Variants in COL5A1 observed in about 807,000 individuals in gnomAD.
COL5A1 encodes collagen alpha-1(V) chain.
COL5A1 carries 16 observed loss-of-function variants against 263.7 expected under a neutral mutation model. The ratio of observed to expected loss-of-function variants is 0.06; its 90% confidence interval spans 0.04 to 0.09. The LOEUF (loss-of-function observed/expected upper bound fraction) is 0.09, where lower values mean the gene tolerates loss of function less well. COL5A1 is among the 10% of genes least tolerant of loss of function. The probability of loss-of-function intolerance (pLI) is 1.00; values close to 1 mark genes in which losing one functional copy is unlikely to be tolerated. For missense variants in COL5A1, 2,036 were observed against 2,540.5 expected (o/e 0.80, Z 4.27); for synonymous variants, 1,012 against 1,004.5 (o/e 1.01, Z -0.14).
At chr9:134,759,289 CG>C (rs1452070075) in intron 18 of COL5A1, among the ~76,000 whole-genome samples, 9 of 126,340 alleles carry the variant, frequency 7.1e-5, no homozygotes, top group African/African-American at 3.4e-4. Flanking sequence ...TGCACACACA[CG>C]CATACACACC....
intron 64 of COL5A1, among the ~76,000 whole-genome samples, chr9:134,834,500 T>C (rs969996988): frequency 6.6e-6 from 1 of 152,088 alleles, no homozygotes; most frequent in Admixed American, 6.5e-5. Context: ...GCAGCAAAGC[T>C]TTATCAAGCG....
At chr9:134,711,315 G>A (rs558144539) in intron 4 of COL5A1, among the ~76,000 whole-genome samples, 167 of 152,214 alleles carry the variant, frequency 1.1e-3, no homozygotes, top group South Asian at 3.5e-3. Flanking sequence ...CAGGGCCTGG[G>A]TGCTGTCGTA....
Position 134,794,404 on chromosome 9 carries a change from C to T in COL5A1, c.2701-678C>T, listed in dbSNP as rs563296727. Among the ~76,000 whole-genome samples, 1 of 152,170 alleles carries T rather than the reference C, an allele frequency of 6.6e-6. No individual in the cohort carries two copies. Among genetic ancestry groups the T allele is most frequent in the East Asian group, 1.9e-4 (1 of 5,186 alleles). On this transcript the variant is annotated intron_variant, in intron 32 of 65. Transcript: ENST00000371817. The surrounding 1 kb of genome is among the most constrained non-coding windows in gnomAD (Gnocchi z 4.3). The stretch of plus-strand genomic sequence containing the variant: ...GGACACGGTGGGGGATGTAGGGGCC[C>T]CTGCGTGTTCAGCCCGTGGCTTCCG...
chr9:134,691,197 C>T, intron 2 of COL5A1, 118 bp downstream of exon 2: 1 of 1,325,846 alleles, frequency 7.5e-7, no homozygotes, highest in South Asian at 1.2e-5. Context: ...CCAGGAAGCC[C>T]CTCTCACGAG....
intron 11 of COL5A1, among the ~76,000 whole-genome samples, chr9:134,743,906 G>A (rs1040034391): frequency 5.9e-5 from 9 of 152,166 alleles, no homozygotes; most frequent in African/African-American, 1.9e-4. Flanking sequence ...AGAAAGTGTG[G>A]CTCACCTCTA....
chr9:134,660,930 C>A (rs1157328804), intron 1 of COL5A1, among the ~76,000 whole-genome samples: 1 of 152,132 alleles, frequency 6.6e-6, no homozygotes, highest in Non-Finnish European at 1.5e-5. Context: ...AGGGTGCTGA[C>A]CAGCCCAGAG....
At chr9:134,812,338 G>A (rs1588578450) in intron 46 of COL5A1, 111 bp from the exon 47 acceptor site, 11 of 1,143,022 alleles carry the variant, frequency 9.6e-6, no homozygotes, top group South Asian at 3.8e-5. Context: ...GCACCTTCCC[G>A]GGGCTTCGGG....
intron 1 of COL5A1, among the ~76,000 whole-genome samples, chr9:134,679,213 A>C (rs1307282047): frequency 6.6e-6 from 1 of 151,862 alleles, no homozygotes; most frequent in Non-Finnish European, 1.5e-5. Flanking sequence ...ACCACCCCGC[A>C]GTCCCTCCCC....
intron 60 of COL5A1, 94 bp from the exon 61 acceptor site, chr9:134,823,322 C>T (rs1839102323): frequency 5.7e-6 from 8 of 1,395,064 alleles, no homozygotes; most frequent in Non-Finnish European, 7.1e-6. Flanking sequence ...ACCTCCCCCA[C>T]ATAGGTCTCC....
At chr9:134,708,458 A>C in intron 4 of COL5A1, 2 of 435,474 alleles carry the variant, frequency 4.6e-6, no homozygotes, top group Non-Finnish European at 9.2e-6. Flanking sequence ...GACACAGGAC[A>C]CTGTCACCCT....
Position 134,811,355 on chromosome 9 carries a change from C to G in COL5A1, c.3545C>G (p.Thr1182Arg). 2 of 1,614,084 alleles carry G rather than the reference C, an allele frequency of 1.2e-6. No homozygotes were observed. Among genetic ancestry groups the G allele is most frequent in the Non-Finnish European group, 1.7e-6 (2 of 1,179,982 alleles). ...TCCCCGCAGGGTCCTCCTGGGCCTA[C>G]AGGTCCTCAAGGCCCCATCGGACAG... Reference protein sequence around the residue: ...DKGEQGPPGPTGPQGPIGQPG... With the variant: ...DKGEQGPPGPRGPQGPIGQPG... Residue 1182 changes from threonine to arginine, a missense_variant, in exon 45 of 66, where the codon ACA becomes AGA. Transcript: ENST00000371817.
At chr9:134,654,451 GGT>G (rs1831843453) in intron 1 of COL5A1, among the ~76,000 whole-genome samples, 1 of 127,562 alleles carries the variant, frequency 7.8e-6, no homozygotes, top group Non-Finnish European at 1.7e-5. Flanking sequence ...GTGTAGGGCT[GGT>G]GTGTGTAGGG....
At chr9:134,834,945 GA>G (rs1839793850) in intron 64 of COL5A1, 25 bp from the exon 65 acceptor site, 1 of 1,545,616 alleles carries the variant, frequency 6.5e-7, no homozygotes. Context: ...CCACCCTGCT[GA>G]GCCCCAACAC....
intron 1 of COL5A1, among the ~76,000 whole-genome samples, chr9:134,671,592 C>A (rs1460425317): frequency 6.6e-6 from 1 of 152,214 alleles, no homozygotes; most frequent in African/African-American, 2.4e-5. Context: ...CAGAGAGGAA[C>A]CCCACTGGGC....
At chr9:134,715,127 C>T (rs1167172644) in intron 4 of COL5A1, among the ~76,000 whole-genome samples, 1 of 152,022 alleles carries the variant, frequency 6.6e-6, no homozygotes, top group Non-Finnish European at 1.5e-5. Flanking sequence ...ATTATCTCTA[C>T]CATCTCAGAG....
In COL5A1 at chr9:134,795,271, G is replaced by A; in HGVS notation, c.2755G>A (p.Gly919Ser). The A allele has an allele frequency of 1.2e-6, 2 of 1,613,900 alleles. No homozygotes were observed. The highest frequency in any genetic ancestry group is 8.5e-7 in the Non-Finnish European group (1 of 1,179,980). ...RGQRGPTGPRGERGPRGITGK... is the reference protein window; with the variant it reads ...RGQRGPTGPRSERGPRGITGK... The stretch of plus-strand genomic sequence containing the variant: ...TCTCCCATCTGTCCAGGGTCCGAGG[G>A]GTGAAAGAGGCCCCCGGGGCATCAC... Residue 919 changes from glycine to serine, a missense_variant, in exon 34 of 66, where the codon GGT (glycine) becomes AGT (serine). By Grantham distance (56) the Gly-to-Ser change is moderately conservative (BLOSUM62 0). Around this residue, in one of 3 missense-constraint regions of COL5A1, gnomAD observed 1,078 missense variants for 1,521.4 expected, o/e 0.71. Transcript: ENST00000371817.
At chr9:134,832,418 AAG>A (rs1047479841) in intron 64 of COL5A1, among the ~76,000 whole-genome samples, 1 of 152,194 alleles carries the variant, frequency 6.6e-6, no homozygotes, top group African/African-American at 2.4e-5. Flanking sequence ...AAAAAAAAGA[AAG>A]AAAAAACCAG....
chr9:134,788,121 G>GAA, intron 31 of COL5A1, among the ~76,000 whole-genome samples: 1 of 151,692 alleles, frequency 6.6e-6, no homozygotes. Context: ...GGGCAGGTGG[G>GAA]GTAGATACAT....
At chr9:134,662,805 C>A (rs1832249777) in intron 1 of COL5A1, among the ~76,000 whole-genome samples, 1 of 152,220 alleles carries the variant, frequency 6.6e-6, no homozygotes, top group Admixed American at 6.5e-5. Context: ...AAGCGATGCT[C>A]TGAATCTGTT....
Sources: allele counts gnomAD v4.1 joint callset (sites outside exome capture counted in the v4.1 genomes callset), GRCh38; gene constraint gnomAD v4.1.1; regional missense constraint gnomAD v4.1.1; non-coding constraint Gnocchi (gnomAD v3.1); transcripts MANE v1.5; gene names NCBI Gene and HGNC (gene_info 2026-07-23, HGNC 2026-07-21).